The following RNF216 variants were observed in gnomAD, a reference collection of about 807,000 sequenced individuals.
The protein encoded by RNF216 is E3 ubiquitin-protein ligase RNF216.
RNF216 carries 72 observed loss-of-function variants against 110.8 expected under a neutral mutation model. The observed-to-expected ratio is 0.65, with a 90% CI of 0.54 to 0.79. The LOEUF is 0.79. Among genes scored for constraint, RNF216 ranks in the 30% least tolerant of loss-of-function variants. RNF216 has a pLI of 0.00. For missense variants in RNF216, 1,342 were observed against 1,141.2 expected, an observed-to-expected ratio of 1.18 and a Z score of -2.54; for synonymous variants, 495 against 407.5, an observed-to-expected ratio of 1.21 and a Z score of -2.59.
chr7:5,736,243 G>C (rs1401886223), intron 5 of RNF216, among the ~76,000 whole-genome samples: 4 of 152,140 alleles, frequency 2.6e-5, no homozygotes, highest in African/African-American at 4.8e-5. Flanking sequence ...TCAGCCTGCC[G>C]AGTGCCTGTG....
intron 15 of RNF216, among the ~76,000 whole-genome samples, chr7:5,633,853 G>C (rs955604761): frequency 1.3e-5 from 2 of 152,242 alleles, no homozygotes; most frequent in East Asian, 1.9e-4. Flanking sequence ...TACCAGAGAG[G>C]TTTTAATTAA....
intron 13 of RNF216, among the ~76,000 whole-genome samples, chr7:5,702,842 G>A (rs559413749): frequency 9.3e-4 from 142 of 152,324 alleles, no homozygotes; most frequent in African/African-American, 3.2e-3. Context: ...AGTACGTGAC[G>A]GAAGGGAGGC....
At chr7:5,687,170 C>T in intron 13 of RNF216, among the ~76,000 whole-genome samples, 1 of 151,990 alleles carries the variant, frequency 6.6e-6, no homozygotes. Flanking sequence ...TTGAGGTGGG[C>T]AGATCACCTG....
intron 5 of RNF216, among the ~76,000 whole-genome samples, chr7:5,735,023 G>A (rs1364364488): frequency 6.6e-6 from 1 of 151,642 alleles, no homozygotes; most frequent in East Asian, 1.9e-4. Flanking sequence ...GTGGGCACCT[G>A]TAATCCAAGC....
intron 14 of RNF216, among the ~76,000 whole-genome samples, chr7:5,643,080 G>A (rs567962504): frequency 6.6e-6 from 1 of 152,060 alleles, no homozygotes; most frequent in African/African-American, 2.4e-5. Flanking sequence ...TATGGAGGGA[G>A]AAAAAAAGGC....
chr7:5,655,245 C>T (rs969865747), intron 13 of RNF216, among the ~76,000 whole-genome samples: 1 of 152,136 alleles, frequency 6.6e-6, no homozygotes, highest in Admixed American at 6.5e-5. Context: ...CGTCACAGTG[C>T]TTCTTCTGTA....
intron 15 of RNF216, among the ~76,000 whole-genome samples, chr7:5,639,409 T>C (rs913410759): frequency 1.8e-4 from 27 of 146,850 alleles, no homozygotes; most frequent in African/African-American, 5.7e-4. Context: ...TCTGTTTTCC[T>C]TTTTTTTTGA....
chr7:5,666,470 G>C (rs1774570501), intron 13 of RNF216: 1 of 152,430 alleles, frequency 6.6e-6, no homozygotes, highest in African/African-American at 2.4e-5. Context: ...GGAACAGGGA[G>C]GAGCAGGGTG....
chr7:5,693,288 C>T lies in RNF216; in HGVS notation c.2061+18473G>A, dbSNP rs1020024293. 3.9e-5 allele frequency among the ~76,000 whole-genome samples: 6 copies of T among 152,134 alleles called. No individual in the cohort carries two copies. The East Asian group carries it at 1.2e-3, about 29-fold the overall frequency. ...GATAGATACCATATGGTCCGCAAAG[C>T]CTGAAATATTTACTACCTTGCCTTT... On this transcript the variant is annotated intron_variant, in intron 13 of 16. Coordinates refer to ENST00000389902, the MANE Select transcript of RNF216 (RefSeq NM_207111.4).
chr7:5,743,329 T>C (rs1477611601), intron 3 of RNF216, among the ~76,000 whole-genome samples: 1 of 152,214 alleles, frequency 6.6e-6, no homozygotes, highest in African/African-American at 2.4e-5. Flanking sequence ...CATTTTTTCA[T>C]ACTGTTCTAT....
intron 13 of RNF216, among the ~76,000 whole-genome samples, chr7:5,656,995 C>CGG (rs1194305172): frequency 6.6e-6 from 1 of 152,198 alleles, no homozygotes; most frequent in Admixed American, 6.5e-5. Context: ...CCAAAGTCAC[C>CGG]GGGTTCTGTG....
intron 13 of RNF216, among the ~76,000 whole-genome samples, chr7:5,673,035 G>C (rs1471888611): frequency 2.0e-5 from 3 of 152,194 alleles, no homozygotes. Flanking sequence ...CAGGGGCAGG[G>C]TGTATCCATC....
intron 13 of RNF216, among the ~76,000 whole-genome samples, chr7:5,657,540 C>G (rs1396336047): frequency 6.6e-6 from 1 of 151,900 alleles, no homozygotes; most frequent in East Asian, 1.9e-4. Context: ...GCACTCCAGC[C>G]TGGGCAACAA....
intron 13 of RNF216, among the ~76,000 whole-genome samples, chr7:5,677,618 G>T (rs529726248): frequency 1.3e-5 from 2 of 152,254 alleles, no homozygotes; most frequent in African/African-American, 4.8e-5. Context: ...AGCATCCTCA[G>T]ATTGGAAAGA....
At chr7:5,655,244 GCTT>G (rs1179060961) in intron 13 of RNF216, among the ~76,000 whole-genome samples, 1 of 152,112 alleles carries the variant, frequency 6.6e-6, no homozygotes, top group African/African-American at 2.4e-5. Context: ...ACGTCACAGT[GCTT>G]CTTCTGTAGG....
intron 13 of RNF216, among the ~76,000 whole-genome samples, chr7:5,694,583 T>C (rs1000891485): frequency 1.3e-5 from 2 of 152,180 alleles, no homozygotes; most frequent in African/African-American, 4.8e-5. Context: ...ACAAAACAAA[T>C]CTCAGTTCTT....
chr7:5,780,179 T>A (rs1797002969), intron 1 of RNF216: 1 of 152,168 alleles, frequency 6.6e-6, no homozygotes, highest in African/African-American at 2.4e-5. Context: ...TTTTTAGCAT[T>A]CCTGGCAATT....
chr7:5,686,934 C>T (rs852267), intron 13 of RNF216, among the ~76,000 whole-genome samples: 3 of 152,044 alleles, frequency 2.0e-5, no homozygotes, highest in East Asian at 1.9e-4. Flanking sequence ...GAGCTCAGGT[C>T]GTAATGCTCA....
At chr7:5,721,727 C>T (rs1404742950) in intron 8 of RNF216, among the ~76,000 whole-genome samples, 1 of 152,180 alleles carries the variant, frequency 6.6e-6, no homozygotes, top group East Asian at 1.9e-4. Context: ...TTTAGCCATT[C>T]TGGTGGGTGC....
Sources: allele counts gnomAD v4.1 joint callset (sites outside exome capture counted in the v4.1 genomes callset), GRCh38; gene constraint gnomAD v4.1.1; transcripts MANE v1.5; gene names NCBI Gene and HGNC (gene_info 2026-07-23, HGNC 2026-07-21).